The following SLC7A14 variants were observed in gnomAD, a reference collection of about 807,000 sequenced individuals.
The protein encoded by SLC7A14 is gamma-aminobutyric acid transporter SLC7A14.
In SLC7A14, 37 loss-of-function variants were observed where a neutral mutation model predicts 60.2. The observed-to-expected ratio is 0.61, with a 90% CI of 0.47 to 0.81. The LOEUF (loss-of-function observed/expected upper bound fraction) is 0.81, where lower values mean the gene tolerates loss of function less well. Ranked by LOEUF, SLC7A14 falls within the 30% of genes least tolerant of loss-of-function variation. SLC7A14 has a pLI of 0.00. For missense variants in SLC7A14, 886 were observed against 982.7 expected, an observed-to-expected ratio of 0.90 and a Z score of 1.32; for synonymous variants, 399 against 395.8, an observed-to-expected ratio of 1.01 and a Z score of -0.10.
chr3:170,536,382 G>A (rs1713841995), intron 1 of SLC7A14, among the ~76,000 whole-genome samples: 1 of 152,292 alleles, frequency 6.6e-6, no homozygotes, highest in East Asian at 1.9e-4. Context: ...AACTTTGAAT[G>A]GAAGACTGAT....
In SLC7A14 at chr3:170,462,371, C is replaced by T. The variant is rs1739625714; in HGVS notation, c.*4684G>A. ...AATAAAAGAAAGGATGTCAGGTTTA[C>T]CAACCCTTTTCAGCAGAATAGAGGA... is the stretch of plus-strand genomic sequence containing the variant. On this transcript the variant is annotated 3_prime_UTR_variant, in exon 8 of 8. Coordinates refer to ENST00000231706, the MANE Select transcript of SLC7A14 (RefSeq NM_020949.3). The T allele has an allele frequency of 6.6e-6, 1 of 152,128 alleles. No individual in the cohort carries two copies. Among genetic ancestry groups the T allele is most frequent in the Admixed American group, 6.5e-5 (1 of 15,278 alleles). The allele number at this position is 152,128 out of a possible 1,614,324, so 9.4% of individuals were successfully genotyped here. A position where few individuals can be genotyped will look rare whatever the true frequency, so the allele number is the denominator to read the frequency against.
rs1454061045 is a variant in SLC7A14, at chr3:170,465,879, A to C, written c.*1176T>G. 1.3e-5 allele frequency: 2 copies of C among 152,160 alleles called. No homozygotes were observed. Among genetic ancestry groups the C allele is most frequent in the African/African-American group, 4.8e-5 (2 of 41,428 alleles). The allele number at this position is 152,160 out of a possible 1,614,324, so 9.4% of individuals were successfully genotyped here. A position where few individuals can be genotyped will look rare whatever the true frequency, so the allele number is the denominator to read the frequency against. ...ATAGCCCCTTTTATGGCCCAAATTT[A>C]CATCTTACCAGGTAGATATTTCTCT... On this transcript the variant is annotated 3_prime_UTR_variant, in exon 8 of 8. Transcript: ENST00000231706.
At chr3:170,467,400 C>CA in intron 7 of SLC7A14, 23 bp from the exon 8 acceptor site, 1 of 1,508,966 alleles carries the variant, frequency 6.6e-7, no homozygotes, top group Non-Finnish European at 8.8e-7. Flanking sequence ...GGGAAAGGTA[C>CA]AGGTGAATAA....
intron 1 of SLC7A14, among the ~76,000 whole-genome samples, chr3:170,571,522 A>G (rs1714954986): frequency 6.6e-6 from 1 of 152,200 alleles, no homozygotes; most frequent in Non-Finnish European, 1.5e-5. Flanking sequence ...AACCAAAACA[A>G]TAAATCTTGA....
rs530030074 is a variant in SLC7A14, at chr3:170,532,410, G to T, written c.-152-5322C>A. 1.9e-4 allele frequency among the ~76,000 whole-genome samples: 29 copies of T among 152,236 alleles called. No individual in the cohort carries two copies. The highest frequency in any genetic ancestry group is 1.7e-3 in the Admixed American group (26 of 15,296). On this transcript the variant is annotated intron_variant, in intron 1 of 7. Coordinates refer to ENST00000231706, the MANE Select transcript of SLC7A14 (RefSeq NM_020949.3). This position sits in a 1 kb window ranked among gnomAD's most constrained non-coding sequence, Gnocchi z 4.0. ...CCTCTGGGCTGAGCTCCTGGCTCTG[G>T]GTTAAGAACACAATTCAGGAACCAG... is the stretch of plus-strand genomic sequence containing the variant.
chr3:170,583,372 G>A (rs1332497631), intron 1 of SLC7A14, among the ~76,000 whole-genome samples: 1 of 152,212 alleles, frequency 6.6e-6, no homozygotes, highest in African/African-American at 2.4e-5. Flanking sequence ...TGGAAGAAAG[G>A]TAAGAGGAAT....
intron 1 of SLC7A14, among the ~76,000 whole-genome samples, chr3:170,528,881 G>T (rs778960463): frequency 1.3e-5 from 2 of 151,992 alleles, no homozygotes; most frequent in East Asian, 3.8e-4. Flanking sequence ...GGTCTTGTGG[G>T]GACATGAATC....
At chr3:170,583,080 T>A (rs1285752352) in intron 1 of SLC7A14, among the ~76,000 whole-genome samples, 1 of 152,236 alleles carries the variant, frequency 6.6e-6, no homozygotes, top group Non-Finnish European at 1.5e-5. Context: ...ATAAAAATCC[T>A]TAGGTCTTAT....
Position 170,465,323 on chromosome 3 carries a change from T to C in SLC7A14, c.*1732A>G, listed in dbSNP as rs1171715417. 1 of 152,296 alleles carries C rather than the reference T, an allele frequency of 6.6e-6. No individual in the cohort carries two copies. The highest frequency in any genetic ancestry group is 1.5e-5 in the Non-Finnish European group (1 of 68,054). The allele number at this position is 152,296 out of a possible 1,614,324, so 9.4% of individuals were successfully genotyped here. ...TCAGCCTGGAGACTTGTCAAGTTTG[T>C]TGTTTTATCTGCATTTACCAGGCTC... is the stretch of plus-strand genomic sequence containing the variant. On this transcript the variant is annotated 3_prime_UTR_variant, in exon 8 of 8. Transcript: ENST00000231706.
chr3:170,579,924 T>C (rs1052878329), intron 1 of SLC7A14, among the ~76,000 whole-genome samples: 1 of 152,246 alleles, frequency 6.6e-6, no homozygotes, highest in Non-Finnish European at 1.5e-5. Context: ...CTTTGTTTTC[T>C]GGGTGAAGCA....
intron 1 of SLC7A14, among the ~76,000 whole-genome samples, chr3:170,551,949 T>G (rs899639711): frequency 1.3e-5 from 2 of 152,232 alleles, no homozygotes; most frequent in African/African-American, 4.8e-5. Context: ...CTTTTATTGT[T>G]TATGCTTTTG....
chr3:170,480,396 G>A lies in SLC7A14; in HGVS notation c.1886C>T (p.Ala629Val), dbSNP rs1017574456. ...GGCAGGCACAAAGGGGAGGCAAGGGGCCATGTAGGGCAGCTTCTTGGGGTT... is the reference window on the plus strand; with the variant it reads ...GGCAGGCACAAAGGGGAGGCAAGGGACCATGTAGGGCAGCTTCTTGGGGTT... ...PENPKKLPYMAPCLPFVPAFA... is the reference protein window; with the variant it reads ...PENPKKLPYMVPCLPFVPAFA... The change falls in exon 7 of 8, where the codon GCC (alanine) becomes GTC (valine). Residue 629 changes from alanine (A) to valine (V), a missense_variant. Physicochemically the swap from Ala to Val is moderately conservative, Grantham distance 64. Transcript: ENST00000231706. 4 of 1,612,602 alleles carry A rather than the reference G, an allele frequency of 2.5e-6. No individual in the cohort carries two copies. Among genetic ancestry groups the A allele is most frequent in the Middle Eastern group, 1.7e-4 (1 of 6,056 alleles).
At chr3:170,580,056 C>T (rs901775391) in intron 1 of SLC7A14, among the ~76,000 whole-genome samples, 45 of 152,204 alleles carry the variant, frequency 3.0e-4, no homozygotes, top group African/African-American at 1.1e-3. Flanking sequence ...GTTTTATTTG[C>T]TAAAGGAAAA....
At chr3:170,555,403 A>G (rs1246329152) in intron 1 of SLC7A14, among the ~76,000 whole-genome samples, 5 of 152,176 alleles carry the variant, frequency 3.3e-5, no homozygotes, top group African/African-American at 4.8e-5. Context: ...TTATCATTAT[A>G]TTAAGAACAT....
intron 1 of SLC7A14, among the ~76,000 whole-genome samples, chr3:170,528,251 G>A (rs1279931652): frequency 6.6e-6 from 1 of 152,126 alleles, no homozygotes; most frequent in East Asian, 1.9e-4. Flanking sequence ...AGGGGTGTTG[G>A]ATCTGATAGA....
chr3:170,540,112 T>C (rs1713975882), intron 1 of SLC7A14, among the ~76,000 whole-genome samples: 1 of 152,158 alleles, frequency 6.6e-6, no homozygotes, highest in Admixed American at 6.5e-5. Context: ...ATTCATGTCC[T>C]GGGTGGGACA....
intron 1 of SLC7A14, chr3:170,570,012 G>T (rs1483447652): frequency 6.6e-6 from 1 of 152,140 alleles, no homozygotes; most frequent in Non-Finnish European, 1.5e-5. Flanking sequence ...AAACTTAGAA[G>T]TTGGCCCCTG....
chr3:170,540,444 T>C (rs1713988475), intron 1 of SLC7A14, among the ~76,000 whole-genome samples: 1 of 152,068 alleles, frequency 6.6e-6, no homozygotes, highest in Admixed American at 6.5e-5. Flanking sequence ...ATTTTTGATT[T>C]TTAGTTTGCT....
chr3:170,563,333 C>G (rs1714704547), intron 1 of SLC7A14, among the ~76,000 whole-genome samples: 1 of 151,988 alleles, frequency 6.6e-6, no homozygotes, highest in Non-Finnish European at 1.5e-5. Context: ...GTACCCCGCC[C>G]ATTTGCAAAG....
Sources: gnomAD v4.1 joint callset for allele counts (sites outside exome capture counted in the v4.1 genomes callset) on GRCh38, gnomAD v4.1.1 for gene constraint, Gnocchi (gnomAD v3.1) non-coding constraint, MANE v1.5 for transcripts, NCBI Gene and HGNC (gene_info 2026-07-23, HGNC 2026-07-21) for gene names.